Variants in GREB1L observed in about 807,000 individuals in gnomAD.
GREB1L encodes GREB1-like protein.
Under a neutral mutation model 200.8 loss-of-function variants are expected in GREB1L, and 17 were observed. That is an observed-to-expected ratio of 0.08 (90% confidence interval 0.06 to 0.13). The LOEUF (loss-of-function observed/expected upper bound fraction) is 0.13, where lower values mean the gene tolerates loss of function less well. GREB1L is among the 10% of genes least tolerant of loss of function. GREB1L has a pLI of 1.00. For synonymous variants in GREB1L, 789 were observed against 893.0 expected, an observed-to-expected ratio of 0.88 and a Z score of 2.08; for missense variants, 1,657 against 2,367.7, an observed-to-expected ratio of 0.70 and a Z score of 6.23.
intron 1 of GREB1L, among the ~76,000 whole-genome samples, chr18:21,253,218 G>A (rs563894321): frequency 4.0e-5 from 6 of 150,576 alleles, no homozygotes; most frequent in Admixed American, 1.3e-4. Context: ...ACTTGTAATT[G>A]CAGCTAATAT....
intron 1 of GREB1L, among the ~76,000 whole-genome samples, chr18:21,338,461 G>A (rs747404705): frequency 8.5e-5 from 13 of 152,226 alleles, no homozygotes; most frequent in Non-Finnish European, 1.9e-4. Flanking sequence ...AGCCATTGCT[G>A]AAACAAATGG....
At chr18:21,312,840 C>CCG (rs2038813848) in intron 1 of GREB1L, among the ~76,000 whole-genome samples, 4 of 152,188 alleles carry the variant, frequency 2.6e-5, no homozygotes, top group Admixed American at 6.5e-5. Context: ...GTGTGAGCCA[C>CCG]TGCACCCGGT....
chr18:21,458,813 T>C (rs2034899274), intron 15 of GREB1L, among the ~76,000 whole-genome samples: 2 of 152,216 alleles, frequency 1.3e-5, no homozygotes, highest in African/African-American at 4.8e-5. Flanking sequence ...ATTTTTATAC[T>C]ATAGGAAATT....
intron 15 of GREB1L, among the ~76,000 whole-genome samples, chr18:21,455,919 T>TG (rs2034741890): frequency 6.8e-6 from 1 of 146,468 alleles, no homozygotes; most frequent in Non-Finnish European, 1.5e-5. Context: ...TTTTTTTTTT[T>TG]GTGAGACATA....
intron 1 of GREB1L, among the ~76,000 whole-genome samples, chr18:21,268,875 TGCCCG>T (rs2038034840): frequency 1.3e-5 from 2 of 151,876 alleles, no homozygotes; most frequent in Admixed American, 1.3e-4. Flanking sequence ...TGAGCCACTG[TGCCCG>T]GCCCTGGTGT....
intron 2 of GREB1L, among the ~76,000 whole-genome samples, chr18:21,369,796 A>G (rs1004112136): frequency 6.6e-6 from 1 of 152,020 alleles, no homozygotes; most frequent in African/African-American, 2.4e-5. Flanking sequence ...AATAAATACA[A>G]AAATTAGCCA....
At chr18:21,435,962 G>A (rs560519152) in intron 7 of GREB1L, among the ~76,000 whole-genome samples, 18 of 152,106 alleles carry the variant, frequency 1.2e-4, no homozygotes, top group Non-Finnish European at 2.2e-4. Flanking sequence ...ATGATAACAG[G>A]TTGCAGAAGA....
At chr18:21,394,013 G>A (rs982090480) in intron 4 of GREB1L, among the ~76,000 whole-genome samples, 2 of 152,180 alleles carry the variant, frequency 1.3e-5, no homozygotes, top group African/African-American at 4.8e-5. Context: ...CAGATACAGC[G>A]GGCTGAGGGA....
chr18:21,471,070 T>C (rs1417812967), intron 15 of GREB1L, among the ~76,000 whole-genome samples: 2 of 152,220 alleles, frequency 1.3e-5, no homozygotes, highest in African/African-American at 4.8e-5. Context: ...AACAACCTCT[T>C]AGATTTCTGG....
chr18:21,375,035 GT>G (rs1259811391), intron 2 of GREB1L, among the ~76,000 whole-genome samples: 1 of 148,430 alleles, frequency 6.7e-6, no homozygotes, highest in Non-Finnish European at 1.5e-5. Flanking sequence ...ATGTGAGGAG[GT>G]TTTTTGTTTT....
intron 1 of GREB1L, among the ~76,000 whole-genome samples, chr18:21,290,506 C>T (rs1025613316): frequency 3.9e-5 from 6 of 152,068 alleles, no homozygotes; most frequent in African/African-American, 1.4e-4. Flanking sequence ...TTGGGTTTTT[C>T]CCCCCAAAAC....
intron 1 of GREB1L, among the ~76,000 whole-genome samples, chr18:21,360,120 GAC>G (rs1333921709): frequency 6.6e-6 from 1 of 152,104 alleles, no homozygotes; most frequent in Non-Finnish European, 1.5e-5. Flanking sequence ...TCTTTCAGTT[GAC>G]AGTTATATTT....
chr18:21,249,853 C>CT lies in GREB1L; in HGVS notation c.-120+7461dup, dbSNP rs1423708234. 3.4e-5 allele frequency among the ~76,000 whole-genome samples: 5 copies of CT among 149,082 alleles called. No homozygotes were observed. In the South Asian group the frequency reaches 6.3e-4, roughly 19 times the overall value. On this transcript the variant is annotated intron_variant, in intron 1 of 32. Transcript: ENST00000424526. ...CCAGCCTGGCAACAAGAGCAAAACT[C>CT]TGTCTTTAAAAAAAAAAAAAAAAGT... is the stretch of plus-strand genomic sequence containing the variant.
At chr18:21,289,020 G>T (rs1012090048) in intron 1 of GREB1L, among the ~76,000 whole-genome samples, 3 of 152,182 alleles carry the variant, frequency 2.0e-5, no homozygotes, top group Non-Finnish European at 4.4e-5. Context: ...ACAGGCGTGA[G>T]CCACTGCACC....
chr18:21,402,341 T>G (rs1247129391), intron 6 of GREB1L, among the ~76,000 whole-genome samples: 6 of 152,156 alleles, frequency 3.9e-5, no homozygotes, highest in African/African-American at 1.4e-4. Flanking sequence ...TTTTAACTTC[T>G]TAGTACTCAG....
intron 16 of GREB1L, among the ~76,000 whole-genome samples, chr18:21,474,302 G>A (rs2035599469): frequency 6.6e-6 from 1 of 152,184 alleles, no homozygotes; most frequent in African/African-American, 2.4e-5. Flanking sequence ...TAGAATGGGG[G>A]TACAGGCATT....
chr18:21,351,614 T>C (rs2039434287), intron 1 of GREB1L, among the ~76,000 whole-genome samples: 1 of 151,350 alleles, frequency 6.6e-6, no homozygotes, highest in Admixed American at 6.6e-5. Context: ...GGGCTTGTTA[T>C]TGTTGGGGAT....
At chr18:21,383,744 C>T (rs571009827) in intron 3 of GREB1L, 69 bp downstream of exon 3, 30 of 1,448,496 alleles carry the variant, frequency 2.1e-5, no homozygotes, top group Admixed American at 6.2e-5. Flanking sequence ...ATGGAGTCTC[C>T]GTCTGTTGCC....
At chr18:21,476,187 A>G (rs538961918) in intron 16 of GREB1L, among the ~76,000 whole-genome samples, 32 of 151,986 alleles carry the variant, frequency 2.1e-4, no homozygotes, top group African/African-American at 6.8e-4. Context: ...ATCATCAAGC[A>G]TTTGTAGATG....
Sources: gnomAD v4.1 joint callset for allele counts (sites outside exome capture counted in the v4.1 genomes callset) on GRCh38, gnomAD v4.1.1 for gene constraint, MANE v1.5 for transcripts, NCBI Gene and HGNC (gene_info 2026-07-23, HGNC 2026-07-21) for gene names.